TPGS2: variants seen among roughly 807,000 people sequenced by gnomAD.
TPGS2 encodes tubulin polyglutamylase complex subunit 2, also known as polyglutamylase subunit 2.
TPGS2 carries 26 observed loss-of-function variants against 31.1 expected under a neutral mutation model. That is an observed-to-expected ratio of 0.84 (90% CI 0.61 to 1.16). The LOEUF (loss-of-function observed/expected upper bound fraction) is 1.16. Among genes scored for constraint, TPGS2 ranks in the 50% most tolerant of loss-of-function variants. The pLI, the probability that TPGS2 is intolerant of heterozygous loss-of-function variation, is 0.00. For synonymous variants in TPGS2, 130 were observed against 136.6 expected (o/e 0.95, Z 0.34); for missense variants, 351 against 363.8 (o/e 0.96, Z 0.29).
chr18:36,815,811 A>C (rs895709197), intron 2 of TPGS2, among the ~76,000 whole-genome samples: 8 of 152,094 alleles, frequency 5.3e-5, no homozygotes, highest in African/African-American at 1.9e-4. Flanking sequence ...TACTGATCCT[A>C]ATACTGTTAG....
intron 2 of TPGS2, among the ~76,000 whole-genome samples, chr18:36,809,681 GT>G (rs1246971723): frequency 2.6e-5 from 4 of 152,180 alleles, no homozygotes; most frequent in Non-Finnish European, 4.4e-5. Flanking sequence ...ACAGTTACCA[GT>G]GTTCTGCAAG....
chr18:36,795,344 G>A lies in TPGS2; in HGVS notation c.*1461C>T. On this transcript the variant is annotated 3_prime_UTR_variant, in exon 7 of 7. Transcript: ENST00000334295. ...TGGCCAATCACCGGGGTAGAGAGAA[G>A]TCAGGAAAGAGAATGAGCCAGCTGG... 1.0e-6 allele frequency: 1 copy of A among 985,534 alleles called. No individual in the cohort carries two copies. The highest frequency in any genetic ancestry group is 1.7e-5 in the African/African-American group (1 of 57,360). 61.0% of individuals were successfully genotyped at this position (985,534 alleles called of 1,614,324 possible). A position where few individuals can be genotyped will look rare whatever the true frequency, so the allele number is the denominator to read the frequency against.
intron 4 of TPGS2, among the ~76,000 whole-genome samples, chr18:36,802,433 T>C (rs554825137): frequency 1.3e-5 from 2 of 152,218 alleles, no homozygotes; most frequent in Non-Finnish European, 2.9e-5. Context: ...CTGCAGAGTC[T>C]TGCTCTGGTA....
intron 4 of TPGS2, among the ~76,000 whole-genome samples, chr18:36,804,017 T>C (rs1021860414): frequency 6.6e-6 from 1 of 152,076 alleles, no homozygotes; most frequent in Admixed American, 6.6e-5. Flanking sequence ...AGTGGCGATT[T>C]ACAGAGGTGA....
chr18:36,795,217 T>G lies in TPGS2; in HGVS notation c.*1588A>C, dbSNP rs1009686135. Reference sequence around the variant, plus strand: ...AAATAAACATGTTTCAGAGCAAAAGTGCATGTGGAGAATCCTGTGGACTGC... The same window carrying G: ...AAATAAACATGTTTCAGAGCAAAAGGGCATGTGGAGAATCCTGTGGACTGC... On this transcript the variant is annotated 3_prime_UTR_variant, in exon 7 of 7. Transcript: ENST00000334295. 7.1e-6 allele frequency: 7 copies of G among 985,246 alleles called. No homozygotes were observed. Among genetic ancestry groups the G allele is most frequent in the Non-Finnish European group, 7.2e-6 (6 of 829,952 alleles). 61.0% of individuals were successfully genotyped at this position (985,246 alleles called of 1,614,324 possible). A position where few individuals can be genotyped will look rare whatever the true frequency, so the allele number is the denominator to read the frequency against.
At position 36,796,806 on chromosome 18, in the gene TPGS2, C is replaced by A; in HGVS notation, c.902G>T (p.Ter301LeuextTer32). Residue 301 changes from the stop codon to leucine (L), a stop_lost, in exon 7 of 7, where the codon TGA (stop) becomes TTA (leucine). Transcript: ENST00000334295. ...GTAGGGAGTTGGAGGGAGGGGTGCT[C>A]ACTTCCGGGTGGGGTTTCCAGAGCC... ...SSGSGNPTRK* is the reference protein window; with the variant it reads ...SSGSGNPTRKL 6.3e-7 allele frequency: 1 copy of A among 1,592,488 alleles called. No individual in the cohort carries two copies. Among genetic ancestry groups the A allele is most frequent in the South Asian group, 1.2e-5 (1 of 86,278 alleles).
At position 36,828,800 on chromosome 18, in the gene TPGS2, C is replaced by T. The variant is rs770051835; in HGVS notation, c.-33G>A. ...GACCGCGATTCGCGCGCGGCGGGAG[C>T]GGGTGGAGGGCCGGACCCCGCCTCA... On this transcript the variant is annotated 5_prime_UTR_variant, in exon 1 of 7. Coordinates refer to ENST00000334295, the MANE Select transcript of TPGS2 (RefSeq NM_015476.4). 3 of 1,608,966 alleles carry T rather than the reference C, an allele frequency of 1.9e-6. No individual in the cohort carries two copies. Among genetic ancestry groups the T allele is most frequent in the Admixed American group, 3.3e-5 (2 of 59,886 alleles).
chr18:36,792,004 G>T (rs1009128824), downstream of TPGS2, among the ~76,000 whole-genome samples: 1 of 149,308 alleles, frequency 6.7e-6, no homozygotes, highest in African/African-American at 2.5e-5. Flanking sequence ...CTCCAGCCTG[G>T]GCAACAGAGT....
At chr18:36,807,967 G>A (rs2045241954) in intron 2 of TPGS2, 33 bp from the exon 3 acceptor site, 1 of 1,611,376 alleles carries the variant, frequency 6.2e-7, no homozygotes, top group Non-Finnish European at 8.5e-7. Flanking sequence ...TGTTAGGTAA[G>A]GGCTGGGAAA....
intron 1 of TPGS2, chr18:36,821,015 A>C (rs2045871770): frequency 6.6e-6 from 1 of 152,208 alleles, no homozygotes; most frequent in Non-Finnish European, 1.5e-5. Flanking sequence ...AGCTTACTCC[A>C]AAGGTGGGTG....
chr18:36,816,698 TC>T (rs1405895969), intron 2 of TPGS2, among the ~76,000 whole-genome samples: 1 of 152,170 alleles, frequency 6.6e-6, no homozygotes, highest in Admixed American at 6.5e-5. Flanking sequence ...AACCTCCGCC[TC>T]CCAGGTTCAA....
intron 1 of TPGS2, among the ~76,000 whole-genome samples, chr18:36,825,071 G>C (rs1207348622): frequency 6.6e-6 from 1 of 152,014 alleles, no homozygotes; most frequent in African/African-American, 2.4e-5. Context: ...TTTTACATGT[G>C]GAAATCCAGA....
At position 36,794,641 on chromosome 18, in the gene TPGS2, A is replaced by C. The variant is rs996923246; in HGVS notation, c.*2164T>G. ...GTGCCGTTGGCTCTTCCTTTGATCA[A>C]TTCTGGCAAGAAAAATACTTCTGGA... On this transcript the variant is annotated 3_prime_UTR_variant, in exon 7 of 7. Transcript: ENST00000334295. 1 of 985,284 alleles carries C rather than the reference A, an allele frequency of 1.0e-6. No homozygotes were observed. Among genetic ancestry groups the C allele is most frequent in the Non-Finnish European group, 1.2e-6 (1 of 829,944 alleles). 61.0% of individuals were successfully genotyped at this position (985,284 alleles called of 1,614,324 possible).
In TPGS2 at chr18:36,828,705, G is replaced by T; in HGVS notation, c.63C>A (p.Thr21=). 6.2e-7 allele frequency: 1 copy of T among 1,614,126 alleles called. No homozygotes were observed. Among genetic ancestry groups the T allele is most frequent in the Non-Finnish European group, 8.5e-7 (1 of 1,179,996 alleles). The change falls in exon 1 of 7, where the codon ACC becomes ACA. Residue 21 remains threonine, a synonymous_variant. Coordinates refer to ENST00000334295, the MANE Select transcript of TPGS2 (RefSeq NM_015476.4). The part of the protein sequence containing the change: ...GCSKPHLEKL[T]LGITRILESS... ...CACCTAGGATGCGCGTGATGCCCAGGGTCAGCTTCTCCAGGTGCGGCTTGC... is the reference window on the plus strand; with the variant it reads ...CACCTAGGATGCGCGTGATGCCCAGTGTCAGCTTCTCCAGGTGCGGCTTGC...
intron 5 of TPGS2, among the ~76,000 whole-genome samples, chr18:36,799,020 G>A (rs561905724): frequency 6.1e-4 from 93 of 152,128 alleles, no homozygotes; most frequent in African/African-American, 2.0e-3. Context: ...AGTCTCTATC[G>A]GTGCCATGAA....
chr18:36,796,287 G>A lies in TPGS2; in HGVS notation c.*518C>T. The A allele has an allele frequency of 1.0e-6, 1 of 983,892 alleles. No homozygotes were observed. The highest frequency in any genetic ancestry group is 1.2e-6 in the Non-Finnish European group (1 of 828,514). 60.9% of individuals were successfully genotyped at this position (983,892 alleles called of 1,614,324 possible). On this transcript the variant is annotated 3_prime_UTR_variant, in exon 7 of 7. Coordinates refer to ENST00000334295, the MANE Select transcript of TPGS2 (RefSeq NM_015476.4). ...GCAGTGCTGTCCAACAGAACTTTCT[G>A]TGGTGATGGAAATGTTCCATATCTT...
Position 36,794,672 on chromosome 18 carries a change from A to G in TPGS2, c.*2133T>C, listed in dbSNP as rs2044438576. The G allele has an allele frequency of 3.0e-6, 3 of 985,394 alleles. No homozygotes were observed. In the South Asian group the frequency reaches 1.4e-4, roughly 46 times the overall value. 61.0% of individuals were successfully genotyped at this position (985,394 alleles called of 1,614,324 possible). On this transcript the variant is annotated 3_prime_UTR_variant, in exon 7 of 7. Transcript: ENST00000334295. The stretch of plus-strand genomic sequence containing the variant: ...GCAAGAAAAATACTTCTGGAAGACT[A>G]AACTCCAGCTATTGTCCTCAACAAC...
At chr18:36,798,712 C>CAGAG in intron 5 of TPGS2, 103 bp from the exon 6 acceptor site, 1 of 1,483,026 alleles carries the variant, frequency 6.7e-7, no homozygotes, top group South Asian at 1.5e-5. Flanking sequence ...AAAATCCCAA[C>CAGAG]AGAGAGAATG....
chr18:36,795,095 T>G lies in TPGS2; in HGVS notation c.*1710A>C, dbSNP rs187394376. 123 of 985,448 alleles carry G rather than the reference T, an allele frequency of 1.2e-4. No homozygotes were observed. The East Asian group carries it at 0.011, about 87-fold the overall frequency. The allele number at this position is 985,448 out of a possible 1,614,324, so 61.0% of individuals were successfully genotyped here. A position where few individuals can be genotyped will look rare whatever the true frequency, so the allele number is the denominator to read the frequency against. ...TGCCCTGATCCTTGAAGGCTAACTC[T>G]TCACCTTGGTTTTCCTCAGGGGCTA... is the stretch of plus-strand genomic sequence containing the variant. On this transcript the variant is annotated 3_prime_UTR_variant, in exon 7 of 7. Transcript: ENST00000334295.
Sources: allele counts gnomAD v4.1 joint callset (sites outside exome capture counted in the v4.1 genomes callset), GRCh38; gene constraint gnomAD v4.1.1; transcripts MANE v1.5; gene names NCBI Gene and HGNC (gene_info 2026-07-23, HGNC 2026-07-21).